RAB9A: variants seen among roughly 807,000 people sequenced by gnomAD.
The protein encoded by RAB9A is RAB9A, member RAS oncogene family.
A neutral mutation model predicts 10.3 loss-of-function variants in RAB9A; 1 was observed. The observed-to-expected ratio is 0.10, with a 90% CI of 0.03 to 0.46. The LOEUF is 0.46. Among genes scored for constraint, RAB9A ranks in the 20% least tolerant of loss-of-function variants. The pLI, the probability that RAB9A is intolerant of heterozygous loss-of-function variation, is 0.96. For synonymous variants in RAB9A, 39 were observed against 55.2 expected (o/e 0.71, Z 1.30); for missense variants, 92 against 150.3 (o/e 0.61, Z 2.03).
chrX:13,700,239 C>T (rs1377636168), intron 1 of RAB9A, among the ~76,000 whole-genome samples: 4 of 111,885 alleles, frequency 3.6e-5, no homozygotes, highest in African/African-American at 9.8e-5. Context: ...CATGAGCCAC[C>T]GTGCGTGGCC....
At chrX:13,708,535 C>A (rs2046208152) in intron 2 of RAB9A, among the ~76,000 whole-genome samples, 186 bp from the exon 3 acceptor site, 1 of 111,052 alleles carries the variant, frequency 9.0e-6, no homozygotes, top group Admixed American at 9.6e-5. Context: ...CCCTTCCCAG[C>A]TGTTTCAGAG....
At chrX:13,705,583 A>G (rs1401150222) in intron 2 of RAB9A, among the ~76,000 whole-genome samples, 3 of 112,368 alleles carry the variant, frequency 2.7e-5, no homozygotes, top group Admixed American at 9.5e-5. Context: ...GGGGTTTGTT[A>G]GATTGCATGA....
intron 1 of RAB9A, among the ~76,000 whole-genome samples, chrX:13,698,332 G>T (rs1039306724): frequency 9.2e-6 from 1 of 108,248 alleles, no homozygotes; most frequent in African/African-American, 3.4e-5. Context: ...AGTTAAGTTA[G>T]CTGATTCAGC....
At chrX:13,698,173 T>G (rs113757107) in intron 1 of RAB9A, among the ~76,000 whole-genome samples, 2 of 78,072 alleles carry the variant, frequency 2.6e-5, no homozygotes, top group African/African-American at 9.6e-5. Context: ...TAACTAAGTC[T>G]TCTTTTTCTT....
chrX:13,699,650 C>T (rs1323961667), intron 1 of RAB9A, among the ~76,000 whole-genome samples: 1 of 112,343 alleles, frequency 8.9e-6, no homozygotes, highest in Non-Finnish European at 1.9e-5. Context: ...CTGGACTAGG[C>T]TTCTGATGAC....
chrX:13,694,469 C>A (rs914887477), intron 1 of RAB9A, among the ~76,000 whole-genome samples: 1 of 112,164 alleles, frequency 8.9e-6, no homozygotes, highest in African/African-American at 3.2e-5. Flanking sequence ...CCCTCATAAT[C>A]CACTTTAATT....
intron 1 of RAB9A, among the ~76,000 whole-genome samples, chrX:13,694,178 A>G (rs182554915): frequency 4.5e-4 from 50 of 110,646 alleles, no homozygotes; most frequent in African/African-American, 1.1e-3. Context: ...AAACCTGGGA[A>G]AAAAAAAAGC....
intron 1 of RAB9A, among the ~76,000 whole-genome samples, chrX:13,692,226 C>G (rs2046128890): frequency 9.0e-6 from 1 of 111,524 alleles, no homozygotes; most frequent in Admixed American, 9.5e-5. Context: ...AGAAGGACGA[C>G]TTGAGCCCTG....
In RAB9A at chrX:13,689,179, C is replaced by G. The variant is rs758489903; in HGVS notation, c.-225C>G. The G allele has an allele frequency of 8.8e-6, 1 of 113,318 alleles. No homozygotes were observed. Among genetic ancestry groups the G allele is most frequent in the African/African-American group, 3.2e-5 (1 of 31,249 alleles). 9.3% of individuals were successfully genotyped at this position (113,318 alleles called of 1,213,427 possible). On this transcript the variant is annotated 5_prime_UTR_variant, in exon 1 of 3. Coordinates refer to ENST00000464506, the MANE Select transcript of RAB9A (RefSeq NM_004251.5). ...AGCAGCTGGAGCGGGAGCCTGGCTG[C>G]GCTACCGCGGCTGCCTCCTGCTGTG...
chrX:13,695,920 T>C (rs2046145578), intron 1 of RAB9A, among the ~76,000 whole-genome samples: 1 of 110,645 alleles, frequency 9.0e-6, no homozygotes, highest in Non-Finnish European at 1.9e-5. Flanking sequence ...GCAGAACCTA[T>C]TATCAGAGTG....
intron 1 of RAB9A, among the ~76,000 whole-genome samples, chrX:13,696,244 CAA>C (rs34701498): frequency 1.3e-5 from 1 of 75,827 alleles, no homozygotes. Flanking sequence ...CTTGTCATTA[CAA>C]AAAAAAAAAA....
At chrX:13,700,463 A>G (rs1315542230) in intron 1 of RAB9A, among the ~76,000 whole-genome samples, 1 of 112,265 alleles carries the variant, frequency 8.9e-6, no homozygotes, top group Non-Finnish European at 1.9e-5. Context: ...AAGGGTTAAC[A>G]TAAAATGTTC....
In RAB9A at chrX:13,695,710, A is replaced by G. The variant is rs1032771737; in HGVS notation, c.-116+6422A>G. On this transcript the variant is annotated intron_variant, in intron 1 of 2. Transcript: ENST00000464506. ...TACCATCAGGGTACCAGATGAACAT[A>G]CTATACAAGGGGTTGCAAATTCTTG... Among the ~76,000 whole-genome samples, 42 of 112,231 alleles carry G rather than the reference A, an allele frequency of 3.7e-4. 1 individual carries two copies. Among genetic ancestry groups the G allele is most frequent in the African/African-American group, 1.4e-3 (42 of 30,904 alleles).
intron 2 of RAB9A, among the ~76,000 whole-genome samples, chrX:13,704,553 CAATTA>C (rs369639195): frequency 5.3e-4 from 58 of 110,001 alleles, no homozygotes; most frequent in African/African-American, 1.6e-3. Flanking sequence ...TTGAATTGAA[CAATTA>C]AATTAAGGTA....
chrX:13,704,715 A>G (rs1328557388), intron 2 of RAB9A, among the ~76,000 whole-genome samples: 2 of 109,203 alleles, frequency 1.8e-5, no homozygotes, highest in Non-Finnish European at 3.8e-5. Context: ...CTCAGGTTCA[A>G]GTAATTCTCA....
Position 13,709,369 on chromosome X carries a change from GCATTCTAAC to G in RAB9A, c.*20_*28del. 2 of 1,187,166 alleles carry G rather than the reference GCATTCTAAC, an allele frequency of 1.7e-6. No individual in the cohort carries two copies. Among genetic ancestry groups the G allele is most frequent in the Non-Finnish European group, 2.3e-6 (2 of 881,983 alleles). On this transcript the variant is annotated 3_prime_UTR_variant, in exon 3 of 3. Transcript: ENST00000464506. ...TGCTGTTGATTGTTAGATTGTTGATGCATTCTAACCAACTCACACATATACACAAAATCA... is the reference window on the plus strand; with the variant it reads ...TGCTGTTGATTGTTAGATTGTTGATGCAACTCACACATATACACAAAATCA...
intron 2 of RAB9A, among the ~76,000 whole-genome samples, chrX:13,707,547 C>A (rs746737740): frequency 5.4e-5 from 6 of 112,010 alleles, no homozygotes; most frequent in Admixed American, 2.8e-4. Flanking sequence ...AGCTGTCTGT[C>A]AACGGGCATC....
At chrX:13,704,056 G>A (rs1237266029) in intron 2 of RAB9A, among the ~76,000 whole-genome samples, 154 bp downstream of exon 2, 2 of 111,684 alleles carry the variant, frequency 1.8e-5, no homozygotes, top group Non-Finnish European at 3.8e-5. Context: ...TTTCATTTTT[G>A]CCTTGGCTGC....
At position 13,700,377 on chromosome X, in the gene RAB9A, A is replaced by G. The variant is rs144274813; in HGVS notation, c.-115-3437A>G. 3.5e-4 allele frequency among the ~76,000 whole-genome samples: 39 copies of G among 112,208 alleles called. No individual in the cohort carries two copies. In the East Asian group the frequency reaches 0.01, roughly 29 times the overall value. On this transcript the variant is annotated intron_variant, in intron 1 of 2. Coordinates refer to ENST00000464506, the MANE Select transcript of RAB9A (RefSeq NM_004251.5). The stretch of plus-strand genomic sequence containing the variant: ...CCAGAGAAAAGGGTACTACTGATAA[A>G]CTATTCATGAACAATTGATAGTATA...
Sources: gnomAD v4.1 joint callset for allele counts (sites outside exome capture counted in the v4.1 genomes callset) on GRCh38, gnomAD v4.1.1 for gene constraint, MANE v1.5 for transcripts, NCBI Gene and HGNC (gene_info 2026-07-23, HGNC 2026-07-21) for gene names.